MATCAP2: variants seen among roughly 807,000 people sequenced by gnomAD.
The protein encoded by MATCAP2 is putative tyrosine carboxypeptidase MATCAP2.
chr7:36,357,272 C>T, the MATCAP2 span: 3 of 1,614,156 alleles, frequency 1.9e-6, no homozygotes, highest in South Asian at 3.3e-5. Context: ...CCTCTCCAGG[C>T]AGTACCAAGT....
chr7:36,328,129 T>G, the MATCAP2 span, among the ~76,000 whole-genome samples: 30 of 151,536 alleles, frequency 2.0e-4, no homozygotes, highest in African/African-American at 7.3e-4. Context: ...AGTGCAGTGA[T>G]GCAATCACAG....
the MATCAP2 span, among the ~76,000 whole-genome samples, chr7:36,383,139 G>T: frequency 1.3e-5 from 2 of 152,104 alleles, no homozygotes; most frequent in African/African-American, 2.4e-5. Context: ...GTGACACTAA[G>T]AATCATTAAT....
the MATCAP2 span, among the ~76,000 whole-genome samples, chr7:36,348,418 C>A: frequency 6.6e-6 from 1 of 152,142 alleles, no homozygotes; most frequent in African/African-American, 2.4e-5. Context: ...CTGGAAGAGG[C>A]AAAAGAAGAG....
At chr7:36,379,839 C>CAGAGAGAGAG in the MATCAP2 span, among the ~76,000 whole-genome samples, 26 of 131,592 alleles carry the variant, frequency 2.0e-4, no homozygotes, top group East Asian at 6.1e-4. Context: ...CACACACACA[C>CAGAGAGAGAG]ACACACACAG....
the MATCAP2 span, among the ~76,000 whole-genome samples, chr7:36,331,658 G>A: frequency 6.6e-6 from 1 of 152,148 alleles, no homozygotes; most frequent in Non-Finnish European, 1.5e-5. Flanking sequence ...TGGAGAGCAT[G>A]TAGGTTTAAA....
chr7:36,345,885 CAT>C, the MATCAP2 span, among the ~76,000 whole-genome samples: 1 of 152,038 alleles, frequency 6.6e-6, no homozygotes, highest in Non-Finnish European at 1.5e-5. Context: ...AGGATACTAT[CAT>C]AAAAATAAAA....
At chr7:36,351,561 A>C in the MATCAP2 span, among the ~76,000 whole-genome samples, 1 of 152,184 alleles carries the variant, frequency 6.6e-6, no homozygotes. Context: ...ATAAGAATGA[A>C]ACCTCTATTT....
the MATCAP2 span, chr7:36,366,671 T>C: frequency 2.6e-6 from 4 of 1,533,420 alleles, no homozygotes; most frequent in South Asian, 1.2e-5. Context: ...AATATTACAA[T>C]CTTTTCCACG....
the MATCAP2 span, among the ~76,000 whole-genome samples, chr7:36,348,168 T>C: frequency 6.6e-6 from 1 of 152,192 alleles, no homozygotes; most frequent in African/African-American, 2.4e-5. Context: ...TACATATACA[T>C]ATTCTGGCTC....
chr7:36,336,560 C>T, the MATCAP2 span, among the ~76,000 whole-genome samples: 12 of 152,210 alleles, frequency 7.9e-5, no homozygotes, highest in Non-Finnish European at 1.3e-4. Flanking sequence ...TCAAGAACTG[C>T]GTATCTCAAG....
chr7:36,331,657 T>C, the MATCAP2 span, among the ~76,000 whole-genome samples: 91 of 152,292 alleles, frequency 6.0e-4, no homozygotes, highest in Non-Finnish European at 1.0e-3. Context: ...TTGGAGAGCA[T>C]GTAGGTTTAA....
the MATCAP2 span, chr7:36,325,796 A>T: frequency 1.3e-5 from 2 of 152,172 alleles, no homozygotes; most frequent in Non-Finnish European, 2.9e-5. Context: ...GATAAAATAT[A>T]CTGAACCAAT....
chr7:36,373,146 A>C, the MATCAP2 span, among the ~76,000 whole-genome samples: 1 of 151,718 alleles, frequency 6.6e-6, no homozygotes, highest in Non-Finnish European at 1.5e-5. Flanking sequence ...AATGATGTAC[A>C]TGCATCAATC....
the MATCAP2 span, chr7:36,331,140 A>C: frequency 1.8e-4 from 174 of 949,432 alleles, 1 homozygote; most frequent in African/African-American, 2.4e-3. Context: ...AGTAGATATC[A>C]ACCCATTCCA....
chr7:36,381,328 G>A, the MATCAP2 span, among the ~76,000 whole-genome samples: 1 of 152,086 alleles, frequency 6.6e-6, no homozygotes, highest in Non-Finnish European at 1.5e-5. Context: ...GATGAAAAGG[G>A]AGGAGAAGGT....
chr7:36,374,799 T>C, the MATCAP2 span, among the ~76,000 whole-genome samples: 2 of 152,252 alleles, frequency 1.3e-5, no homozygotes, highest in Non-Finnish European at 2.9e-5. Flanking sequence ...TTTGGTTTTC[T>C]GTCCTTGGGA....
the MATCAP2 span, among the ~76,000 whole-genome samples, chr7:36,336,521 C>T: frequency 1.3e-5 from 2 of 152,132 alleles, no homozygotes; most frequent in African/African-American, 4.8e-5. Context: ...CCCCTGTGTT[C>T]ATTTCTCCTT....
the MATCAP2 span, among the ~76,000 whole-genome samples, chr7:36,375,147 C>G: frequency 6.6e-6 from 1 of 152,174 alleles, no homozygotes; most frequent in Admixed American, 6.5e-5. Context: ...CTAGTTTATA[C>G]TCCCACCAAC....
chr7:36,390,063 G>A, the MATCAP2 span: 1 of 1,613,468 alleles, frequency 6.2e-7, no homozygotes, highest in Non-Finnish European at 8.5e-7. Flanking sequence ...GTTTGCGGGT[G>A]CAGCCAGCCA....
Sources: allele counts gnomAD v4.1 joint callset (sites outside exome capture counted in the v4.1 genomes callset), GRCh38; gene constraint gnomAD v4.1.1; transcripts MANE v1.5; gene names NCBI Gene and HGNC (gene_info 2026-07-23, HGNC 2026-07-21).